CR1: variants seen among roughly 807,000 people sequenced by gnomAD.
CR1 encodes the protein complement receptor type 1.
In CR1, 116 loss-of-function variants were observed where a neutral mutation model predicts 187.3. That is an observed-to-expected ratio of 0.62 (90% CI 0.53 to 0.72). CR1 has a LOEUF of 0.72. CR1 is among the 30% of genes least tolerant of loss of function. The probability of loss-of-function intolerance (pLI) is 0.00; values close to 1 mark genes in which losing one functional copy is unlikely to be tolerated. For missense variants in CR1, 1,731 were observed against 2,110.7 expected, an observed-to-expected ratio of 0.82 and a Z score of 3.52; for synonymous variants, 576 against 747.1, an observed-to-expected ratio of 0.77 and a Z score of 3.73.
At chr1:207,616,544 A>G (rs1427739529) in intron 40 of CR1, 31 bp from the exon 41 acceptor site, 3 of 1,605,052 alleles carry the variant, frequency 1.9e-6, no homozygotes, top group Non-Finnish European at 2.6e-6. Context: ...TGAAATTCTA[A>G]TAGAACTTAA....
In CR1 at chr1:207,616,737, G is replaced by A. The variant is rs139596791; in HGVS notation, c.6824G>A (p.Ser2275Asn). The A allele has an allele frequency of 8.1e-6, 13 of 1,613,956 alleles. No homozygotes were observed. The Admixed American group carries it at 1.0e-4, about 12-fold the overall frequency. ...GGGGAGAGCTCCATCCGCTGCACAA[G>A]TGACCCTCAAGGGAATGGGGTTTGG... is the stretch of plus-strand genomic sequence containing the variant. ...LIGESSIRCT[S>N]DPQGNGVWSS... The change falls in exon 41 of 47, where the codon AGT (serine) becomes AAT (asparagine). Residue 2275 changes from serine (S) to asparagine (N), a missense_variant. Transcript: ENST00000367049.
intron 24 of CR1, 72 bp downstream of exon 24, chr1:207,565,995 C>G: frequency 6.4e-7 from 1 of 1,563,498 alleles, no homozygotes; most frequent in Non-Finnish European, 8.8e-7. Flanking sequence ...TATGGCCTCC[C>G]TCAATGTGAT....
chr1:207,511,708 C>T, intron 4 of CR1, 54 bp downstream of exon 4: 2 of 1,535,084 alleles, frequency 1.3e-6, no homozygotes, highest in East Asian at 2.3e-5. Context: ...TAATTTTTCT[C>T]TGGAATAATA....
intron 4 of CR1, among the ~76,000 whole-genome samples, chr1:207,519,554 C>G (rs1029672155): frequency 5.3e-5 from 8 of 152,178 alleles, no homozygotes. Flanking sequence ...CTCCAAACAA[C>G]GCAAGTACCG....
Position 207,506,986 on chromosome 1 carries a change from G to A in CR1, c.401+173G>A, listed in dbSNP as rs569849308. ...AAATGAGCAAAGGTATGACAAGATC[G>A]GGGGAAAATCATCTGTATCCTTGCT... On this transcript the variant is annotated intron_variant, in intron 3 of 46. Transcript: ENST00000367049. 102 of 562,802 alleles carry A rather than the reference G, an allele frequency of 1.8e-4. No homozygotes were observed. The East Asian group carries it at 2.9e-3, about 16-fold the overall frequency. The allele number at this position is 562,802 out of a possible 1,614,324, so 34.9% of individuals were successfully genotyped here.
intron 35 of CR1, among the ~76,000 whole-genome samples, chr1:207,604,269 TAA>T (rs1360449597): frequency 6.6e-6 from 1 of 152,214 alleles, no homozygotes; most frequent in African/African-American, 2.4e-5. Flanking sequence ...AATTGATGTA[TAA>T]GAGTTGTTTT....
At chr1:207,520,487 A>G (rs1390487142) in intron 4 of CR1, among the ~76,000 whole-genome samples, 3 of 152,322 alleles carry the variant, frequency 2.0e-5, no homozygotes, top group East Asian at 1.9e-4. Context: ...CTGGTCCCCA[A>G]TAAAGGCATT....
chr1:207,515,519 C>T (rs2102295510), intron 4 of CR1, among the ~76,000 whole-genome samples: 1 of 152,030 alleles, frequency 6.6e-6, no homozygotes, highest in Non-Finnish European at 1.5e-5. Context: ...AGTTTTGTTG[C>T]TTCCTAAATT....
chr1:207,577,657 C>T, intron 28 of CR1, 148 bp from the exon 29 acceptor site: 1 of 1,275,556 alleles, frequency 7.8e-7, no homozygotes, highest in African/African-American at 1.5e-5. Context: ...GTGATCCCAG[C>T]TACTCGGGAG....
intron 24 of CR1, 22 bp downstream of exon 24, chr1:207,565,945 T>A (rs1207499656): frequency 1.9e-6 from 3 of 1,610,514 alleles, no homozygotes; most frequent in Non-Finnish European, 2.5e-6. Flanking sequence ...GAGCAACATT[T>A]CAGGCCAATC....
intron 1 of CR1, among the ~76,000 whole-genome samples, chr1:207,497,179 G>A (rs1572978664): frequency 6.6e-6 from 1 of 152,236 alleles, no homozygotes; most frequent in Non-Finnish European, 1.5e-5. Flanking sequence ...GTTGCAGGTA[G>A]AAGGGACAGT....
At chr1:207,511,247 A>T (rs1659606059) in intron 3 of CR1, among the ~76,000 whole-genome samples, 1 of 152,222 alleles carries the variant, frequency 6.6e-6, no homozygotes, top group African/African-American at 2.4e-5. Flanking sequence ...TATATATATG[A>T]CAGCTTCCCT....
intron 35 of CR1, among the ~76,000 whole-genome samples, chr1:207,593,216 G>A (rs1425490308): frequency 6.6e-6 from 1 of 151,730 alleles, no homozygotes; most frequent in Non-Finnish European, 1.5e-5. Context: ...TATACTATAA[G>A]GCTACAGTAA....
At chr1:207,505,629 A>C (rs1360656032) in intron 1 of CR1, among the ~76,000 whole-genome samples, 2 of 152,048 alleles carry the variant, frequency 1.3e-5, no homozygotes, top group African/African-American at 4.8e-5. Flanking sequence ...TGAGGTCAGG[A>C]GTCGAGACCA....
At chr1:207,497,544 C>T (rs369338895) in intron 1 of CR1, among the ~76,000 whole-genome samples, 10 of 152,214 alleles carry the variant, frequency 6.6e-5, no homozygotes, top group Admixed American at 6.5e-4. Context: ...AACCAAGTCC[C>T]GCAAGAGTTG....
chr1:207,625,609 G>A (rs922771803), intron 45 of CR1, among the ~76,000 whole-genome samples: 15 of 152,200 alleles, frequency 9.9e-5, no homozygotes, highest in Admixed American at 8.5e-4. Flanking sequence ...TGGAAGAACT[G>A]GAGTTATCAC....
At chr1:207,624,842 G>A (rs1210712708) in intron 45 of CR1, among the ~76,000 whole-genome samples, 3 of 152,048 alleles carry the variant, frequency 2.0e-5, no homozygotes, top group East Asian at 1.9e-4. Context: ...TTACTACTAC[G>A]TCTGAATTAA....
intron 3 of CR1, 175 bp downstream of exon 3, chr1:207,506,988 G>T: frequency 1.8e-6 from 1 of 557,996 alleles, no homozygotes; most frequent in East Asian, 3.1e-5. Flanking sequence ...ACAAGATCGG[G>T]GGAAAATCAT....
At chr1:207,595,093 C>T (rs1018013978) in intron 35 of CR1, among the ~76,000 whole-genome samples, 1 of 147,284 alleles carries the variant, frequency 6.8e-6, no homozygotes, top group African/African-American at 2.5e-5. Flanking sequence ...ACATGGGAGT[C>T]GGAAAAGGAG....
Sources: allele counts gnomAD v4.1 joint callset (sites outside exome capture counted in the v4.1 genomes callset), GRCh38; gene constraint gnomAD v4.1.1; transcripts MANE v1.5; gene names NCBI Gene and HGNC (gene_info 2026-07-23, HGNC 2026-07-21).